SLC7A14: variants seen among roughly 807,000 people sequenced by gnomAD.
SLC7A14 encodes the protein gamma-aminobutyric acid transporter SLC7A14.
A neutral mutation model predicts 60.2 loss-of-function variants in SLC7A14; 37 were observed. The ratio of observed to expected loss-of-function variants is 0.61; its 90% confidence interval spans 0.47 to 0.81. The LOEUF is 0.81. SLC7A14 is among the 30% of genes least tolerant of loss of function. The pLI is 0.00. For missense variants in SLC7A14, 886 were observed against 982.7 expected (o/e 0.90, Z 1.32); for synonymous variants, 399 against 395.8 (o/e 1.01, Z -0.10).
In SLC7A14 at chr3:170,480,929, C is replaced by T. The variant is rs752803993; in HGVS notation, c.1353G>A (p.Lys451=). Residue 451 remains lysine, a synonymous_variant, in exon 7 of 8, where the codon AAG becomes AAA. Transcript: ENST00000231706. The part of the protein sequence containing the change: ...VKFLSEEHTK[K]KEGILADCEK... ...CACAGTCAGCCAGAATGCCCTCCTT[C>T]TTCTTGGTGTGCTCCTCAGACAAGA... 10 of 1,613,934 alleles carry T rather than the reference C, an allele frequency of 6.2e-6. No individual in the cohort carries two copies. Among genetic ancestry groups the T allele is most frequent in the Non-Finnish European group, 6.8e-6 (8 of 1,180,028 alleles).
chr3:170,568,269 C>A (rs1714849284), intron 1 of SLC7A14, among the ~76,000 whole-genome samples: 1 of 152,150 alleles, frequency 6.6e-6, no homozygotes, highest in South Asian at 2.1e-4. Flanking sequence ...ATAGGGAATC[C>A]TTTCCCCATT....
chr3:170,501,017 T>A, intron 3 of SLC7A14, 92 bp downstream of exon 3: 1 of 1,185,212 alleles, frequency 8.4e-7, no homozygotes, highest in East Asian at 2.3e-5. Flanking sequence ...AGGCTTTTGA[T>A]ACATTTTGCC....
chr3:170,565,911 G>A (rs1360199955), intron 1 of SLC7A14, among the ~76,000 whole-genome samples: 1 of 152,180 alleles, frequency 6.6e-6, no homozygotes, highest in Non-Finnish European at 1.5e-5. Flanking sequence ...GGGAAAGCAT[G>A]CCCTTAGGAG....
chr3:170,495,935 G>A, intron 4 of SLC7A14: 2 of 1,415,132 alleles, frequency 1.4e-6, no homozygotes, highest in Non-Finnish European at 1.0e-6. Flanking sequence ...TTGGCAATAT[G>A]CAGGGGCTGG....
At chr3:170,538,885 C>G (rs1249358970) in intron 1 of SLC7A14, among the ~76,000 whole-genome samples, 1 of 152,236 alleles carries the variant, frequency 6.6e-6, no homozygotes, top group Non-Finnish European at 1.5e-5. Context: ...AAGCTATTCA[C>G]ATTTCCATGT....
chr3:170,582,520 G>A (rs1715264828), intron 1 of SLC7A14, among the ~76,000 whole-genome samples: 1 of 152,136 alleles, frequency 6.6e-6, no homozygotes, highest in African/African-American at 2.4e-5. Context: ...ACAGTTTAAG[G>A]TTCTGGTTCA....
intron 7 of SLC7A14, among the ~76,000 whole-genome samples, chr3:170,470,149 C>A (rs1019290290): frequency 6.6e-6 from 1 of 152,154 alleles, no homozygotes; most frequent in Non-Finnish European, 1.5e-5. Flanking sequence ...AGGAGAGGAA[C>A]CAGCTTTATA....
chr3:170,566,721 C>T (rs1714799580), intron 1 of SLC7A14, among the ~76,000 whole-genome samples: 1 of 151,892 alleles, frequency 6.6e-6, no homozygotes, highest in African/African-American at 2.4e-5. Context: ...ATCCTACAGC[C>T]ATTGAGCTTG....
intron 4 of SLC7A14, chr3:170,495,640 C>T (rs1465820429): frequency 9.8e-6 from 8 of 819,780 alleles, no homozygotes; most frequent in East Asian, 2.4e-5. Context: ...ACCACTGTCA[C>T]GTTCAACCAG....
intron 1 of SLC7A14, among the ~76,000 whole-genome samples, chr3:170,541,762 T>C (rs1714022979): frequency 6.6e-6 from 1 of 152,206 alleles, no homozygotes; most frequent in African/African-American, 2.4e-5. Context: ...ATCTATTAGA[T>C]TGGTGCAAGA....
At chr3:170,534,408 G>C (rs1388481203) in intron 1 of SLC7A14, among the ~76,000 whole-genome samples, 3 of 152,184 alleles carry the variant, frequency 2.0e-5, no homozygotes, top group Non-Finnish European at 4.4e-5. Context: ...CCCAAAGTTA[G>C]TGGGGTGAGA....
chr3:170,498,081 A>G (rs1712466631), intron 4 of SLC7A14, among the ~76,000 whole-genome samples: 1 of 152,234 alleles, frequency 6.6e-6, no homozygotes, highest in Non-Finnish European at 1.5e-5. Context: ...TGTCATACCC[A>G]GGCAAAACTC....
At chr3:170,519,636 C>T (rs919088335) in intron 2 of SLC7A14, among the ~76,000 whole-genome samples, 2 of 152,132 alleles carry the variant, frequency 1.3e-5, no homozygotes, top group African/African-American at 2.4e-5. Context: ...ATTAGCCAGG[C>T]ATAGTGGTGG....
At position 170,525,269 on chromosome 3, in the gene SLC7A14, C is replaced by T. The variant is rs547920362; in HGVS notation, c.304+1364G>A. On this transcript the variant is annotated intron_variant, in intron 2 of 7. Coordinates refer to ENST00000231706, the MANE Select transcript of SLC7A14 (RefSeq NM_020949.3). ...TACTCCAGCAATTCTGGGAAGATACCGTAGATTGCTACTCAAGAGAAAAGG... is the reference window on the plus strand; with the variant it reads ...TACTCCAGCAATTCTGGGAAGATACTGTAGATTGCTACTCAAGAGAAAAGG... Among the ~76,000 whole-genome samples the T allele has an allele frequency of 1.1e-4, 16 of 152,154 alleles. 1 individual carries two copies. Among genetic ancestry groups the T allele is most frequent in the Admixed American group, 7.2e-4 (11 of 15,284 alleles).
At chr3:170,485,237 C>A (rs529304627) in intron 5 of SLC7A14, among the ~76,000 whole-genome samples, 14 of 152,158 alleles carry the variant, frequency 9.2e-5, no homozygotes, top group Admixed American at 8.5e-4. Context: ...TGTCTGTAAA[C>A]GACCCTCAAG....
At chr3:170,523,445 T>G (rs1360917136) in intron 2 of SLC7A14, among the ~76,000 whole-genome samples, 3 of 152,200 alleles carry the variant, frequency 2.0e-5, no homozygotes, top group Non-Finnish European at 4.4e-5. Flanking sequence ...TTTTCATGAG[T>G]CATCGTCACT....
rs369436642 is a variant in SLC7A14, at chr3:170,550,512, A to ATTTTTTTTTTTTTTTTTTTTTTTTTTTT, written c.-152-23425_-152-23424insAAAAAAAAAAAAAAAAAAAAAAAAAAAA. ...TAAACCTAATGCCATCTTTCCTTGA[A>ATTTTTTTTTTTTTTTTTTTTTTTTTTTT]TTTTTTTTTTTTTTTTTTTTTTTTT... On this transcript the variant is annotated intron_variant, in intron 1 of 7. Transcript: ENST00000231706. 9.9e-5 allele frequency among the ~76,000 whole-genome samples: 6 copies of ATTTTTTTTTTTTTTTTTTTTTTTTTTTT among 60,616 alleles called. 1 individual carries two copies. Among genetic ancestry groups the ATTTTTTTTTTTTTTTTTTTTTTTTTTTT allele is most frequent in the African/African-American group, 3.5e-4 (4 of 11,474 alleles). 39.8% of individuals were successfully genotyped at this position (60,616 alleles called of 152,430 possible).
chr3:170,473,896 T>G (rs909000965), intron 7 of SLC7A14, among the ~76,000 whole-genome samples: 11 of 152,204 alleles, frequency 7.2e-5, no homozygotes, highest in African/African-American at 2.7e-4. Flanking sequence ...CTTATTTTAT[T>G]TGCAGTATAT....
intron 4 of SLC7A14, among the ~76,000 whole-genome samples, chr3:170,487,464 G>A (rs532677984): frequency 6.6e-5 from 10 of 152,026 alleles, no homozygotes; most frequent in African/African-American, 2.2e-4. Context: ...CAGGAGGTGA[G>A]ACCCATTGCA....
Sources: gnomAD v4.1 joint callset for allele counts (sites outside exome capture counted in the v4.1 genomes callset) on GRCh38, gnomAD v4.1.1 for gene constraint, MANE v1.5 for transcripts, NCBI Gene and HGNC (gene_info 2026-07-23, HGNC 2026-07-21) for gene names.